Variants in BDKRB2 observed in about 807,000 individuals in gnomAD.
The protein encoded by BDKRB2 is bradykinin receptor B2, also known as B2 bradykinin receptor.
Under a neutral mutation model 4.0 loss-of-function variants are expected in BDKRB2, and 6 were observed. That is an observed-to-expected ratio of 1.49 (90% CI 0.81 to 2.93). The LOEUF is 2.93. BDKRB2 is among the 30% of genes most tolerant of loss of function. The pLI, the probability that BDKRB2 is intolerant of heterozygous loss-of-function variation, is 0.00. For missense variants in BDKRB2, 478 were observed against 520.1 expected (o/e 0.92, Z 0.79); for synonymous variants, 225 against 215.3 (o/e 1.05, Z -0.40).
intron 1 of BDKRB2, among the ~76,000 whole-genome samples, chr14:96,236,519 C>T (rs1890937038): frequency 6.6e-6 from 1 of 152,186 alleles, no homozygotes; most frequent in Non-Finnish European, 1.5e-5. Context: ...AAGCACTAGG[C>T]ATGTCAGGTT....
At chr14:96,225,275 T>C (rs1215495810) in intron 1 of BDKRB2, among the ~76,000 whole-genome samples, 1 of 152,130 alleles carries the variant, frequency 6.6e-6, no homozygotes, top group Non-Finnish European at 1.5e-5. Flanking sequence ...GCCGAGGCAT[T>C]TACCCAAGGG....
At chr14:96,208,695 C>T (rs1023643500) in intron 1 of BDKRB2, among the ~76,000 whole-genome samples, 6 of 152,186 alleles carry the variant, frequency 3.9e-5, no homozygotes, top group African/African-American at 1.4e-4. Flanking sequence ...CAGAAAAAAG[C>T]CCTGTCCGAC....
chr14:96,237,104 C>T lies in BDKRB2; in HGVS notation c.-4C>T, dbSNP rs182921557. On this transcript the variant is annotated 5_prime_UTR_variant, in exon 2 of 3. Transcript: ENST00000554311. ...GCCTCACTCACATCCCACTCTGAGT[C>T]CAAATGTTCTCTCCCTGGAAGATAT... The T allele has an allele frequency of 6.2e-6, 10 of 1,613,168 alleles. No individual in the cohort carries two copies. The East Asian group carries it at 2.0e-4, about 32-fold the overall frequency.
At chr14:96,232,411 T>G (rs1250223915) in intron 1 of BDKRB2, among the ~76,000 whole-genome samples, 1 of 152,248 alleles carries the variant, frequency 6.6e-6, no homozygotes, top group Non-Finnish European at 1.5e-5. Context: ...CTAGAGGCTT[T>G]CAGGCTGTGT....
At position 96,241,364 on chromosome 14, in the gene BDKRB2, G is replaced by A. The variant is rs201675002; in HGVS notation, c.1036G>A (p.Val346Met). ...GKRFRKKSWE[V>M]YQGVCQKGGC... ...GCGCTTCCGAAAGAAGTCTTGGGAGGTGTACCAGGGAGTGTGCCAGAAAGG... is the reference window on the plus strand; with the variant it reads ...GCGCTTCCGAAAGAAGTCTTGGGAGATGTACCAGGGAGTGTGCCAGAAAGG... Residue 346 changes from valine to methionine, a missense_variant, in exon 3 of 3, where the codon GTG (valine) becomes ATG (methionine). Coordinates refer to ENST00000554311, the MANE Select transcript of BDKRB2 (RefSeq NM_001379692.1). 6.2e-7 allele frequency: 1 copy of A among 1,613,970 alleles called. No homozygotes were observed. Among genetic ancestry groups the A allele is most frequent in the Non-Finnish European group, 8.5e-7 (1 of 1,180,006 alleles).
In BDKRB2 at chr14:96,216,684, GAGGAGGAGGA is replaced by G. The variant is rs1383449543; in HGVS notation, c.-40+11748_-40+11757del. On this transcript the variant is annotated intron_variant, in intron 1 of 2. Coordinates refer to ENST00000554311, the MANE Select transcript of BDKRB2 (RefSeq NM_001379692.1). Reference sequence around the variant, plus strand: ...GGAGGAGAAGAGGAAGAAGAAGGAGGAGGAGGAGGAAGGAGGAGGAAGGAGGAGGAAGAGG... The same window carrying G: ...GGAGGAGAAGAGGAAGAAGAAGGAGGAGGAGGAGGAAGGAGGAGGAAGAGG... Among the ~76,000 whole-genome samples the G allele has an allele frequency of 8.8e-5, 12 of 136,454 alleles. 1 individual carries two copies. Among genetic ancestry groups the G allele is most frequent in the South Asian group, 4.8e-4 (2 of 4,206 alleles). The allele number at this position is 136,454 out of a possible 152,430, so 89.5% of individuals were successfully genotyped here.
rs561563994 is a variant in BDKRB2 at position 96,237,972 on chromosome 14, A to AGGAAATGG, written c.74+793_74+800dup. The stretch of plus-strand genomic sequence containing the variant: ...CAGACTCTCCAAGCCAGGGGTATGC[A>AGGAAATGG]GGAAATGGGTTTTCTGTAGCTACAG... On this transcript the variant is annotated intron_variant, in intron 2 of 2. Coordinates refer to ENST00000554311, the MANE Select transcript of BDKRB2 (RefSeq NM_001379692.1). 1,701 of 1,187,096 alleles carry AGGAAATGG rather than the reference A, an allele frequency of 1.4e-3. 44 individuals are homozygous for AGGAAATGG. The South Asian group carries it at 0.025, about 17-fold the overall frequency. 73.5% of individuals were successfully genotyped at this position (1,187,096 alleles called of 1,614,324 possible).
intron 2 of BDKRB2, 145 bp downstream of exon 2, chr14:96,237,326 G>A (rs1890959409): frequency 4.0e-6 from 3 of 759,348 alleles, no homozygotes; most frequent in East Asian, 5.3e-5. Context: ...CCTCTCAGGT[G>A]TCCAAGTCCC....
chr14:96,228,597 C>T (rs531125606), intron 1 of BDKRB2, among the ~76,000 whole-genome samples: 1 of 152,216 alleles, frequency 6.6e-6, no homozygotes, highest in Non-Finnish European at 1.5e-5. Flanking sequence ...TGCTCTGCTC[C>T]TCTGCCAGTG....
chr14:96,240,337 T>G, intron 2 of BDKRB2, 66 bp from the exon 3 acceptor site: 4 of 1,400,486 alleles, frequency 2.9e-6, no homozygotes, highest in Non-Finnish European at 3.7e-6. Flanking sequence ...TGTCTCCTTC[T>G]GGACCAGTTT....
intron 1 of BDKRB2, among the ~76,000 whole-genome samples, chr14:96,229,275 G>T (rs982308919): frequency 9.2e-5 from 14 of 152,024 alleles, no homozygotes; most frequent in Admixed American, 8.5e-4. Flanking sequence ...GCTTGCAGGG[G>T]GATATCAGTC....
chr14:96,229,753 A>G (rs1426130793), intron 1 of BDKRB2, among the ~76,000 whole-genome samples: 1 of 152,188 alleles, frequency 6.6e-6, no homozygotes, highest in African/African-American at 2.4e-5. Flanking sequence ...CCTAGGGCAG[A>G]TTGTAGAAGA....
Position 96,243,083 on chromosome 14 carries a change from A to C in BDKRB2, c.*1579A>C, listed in dbSNP as rs1885339657. ...GAGGGGCTAGAACCTAGAGAAGCTA[A>C]AACCTGAGCTAGAAGCTGGAGGACT... On this transcript the variant is annotated 3_prime_UTR_variant, in exon 3 of 3. Transcript: ENST00000554311. The C allele has an allele frequency of 6.5e-6, 1 of 153,230 alleles. No individual in the cohort carries two copies. Among genetic ancestry groups the C allele is most frequent in the East Asian group, 1.9e-4 (1 of 5,210 alleles). The allele number at this position is 153,230 out of a possible 1,614,324, so 9.5% of individuals were successfully genotyped here. A position where few individuals can be genotyped will look rare whatever the true frequency, so the allele number is the denominator to read the frequency against.
intron 1 of BDKRB2, among the ~76,000 whole-genome samples, chr14:96,221,966 C>A (rs76581717): frequency 6.6e-6 from 1 of 151,998 alleles, no homozygotes; most frequent in Admixed American, 6.5e-5. Flanking sequence ...ATTATCTGCC[C>A]GGAGGCAGCA....
intron 1 of BDKRB2, among the ~76,000 whole-genome samples, chr14:96,205,379 GTGACC>G (rs1285579711): frequency 2.0e-5 from 3 of 151,786 alleles, no homozygotes; most frequent in African/African-American, 7.3e-5. Context: ...TTGGCCCTGT[GTGACC>G]CTGGACAAGC....
chr14:96,206,158 A>G (rs574591497), intron 1 of BDKRB2, among the ~76,000 whole-genome samples: 1 of 152,206 alleles, frequency 6.6e-6, no homozygotes, highest in Non-Finnish European at 1.5e-5. Context: ...AGCAAGAGAC[A>G]TTCCACAGTT....
chr14:96,210,306 G>T (rs553740793), intron 1 of BDKRB2, among the ~76,000 whole-genome samples: 1 of 152,284 alleles, frequency 6.6e-6, no homozygotes, highest in East Asian at 1.9e-4. Flanking sequence ...TTTCCCTTTG[G>T]CTTAGTGCGT....
chr14:96,215,135 C>A (rs879615476), intron 1 of BDKRB2, among the ~76,000 whole-genome samples: 2 of 152,198 alleles, frequency 1.3e-5, no homozygotes, highest in Non-Finnish European at 2.9e-5. Flanking sequence ...CAAAAGCAAC[C>A]TATGATCCCA....
intron 1 of BDKRB2, among the ~76,000 whole-genome samples, chr14:96,225,330 A>G (rs1376129316): frequency 6.6e-6 from 1 of 151,732 alleles, no homozygotes; most frequent in African/African-American, 2.4e-5. Context: ...TATTCCTTCC[A>G]CCTCTTTGCT....
Sources: allele counts gnomAD v4.1 joint callset (sites outside exome capture counted in the v4.1 genomes callset), GRCh38; gene constraint gnomAD v4.1.1; transcripts MANE v1.5; gene names NCBI Gene and HGNC (gene_info 2026-07-23, HGNC 2026-07-21).